CLCA1: variants seen among roughly 807,000 people sequenced by gnomAD.
The protein encoded by CLCA1 is calcium-activated chloride channel regulator 1.
Under a neutral mutation model 85.6 loss-of-function variants are expected in CLCA1, and 59 were observed. That is an observed-to-expected ratio of 0.69 (90% confidence interval 0.56 to 0.86). The LOEUF (loss-of-function observed/expected upper bound fraction) is 0.86. Among genes scored for constraint, CLCA1 ranks in the 40% least tolerant of loss-of-function variants. The pLI is 0.00. For synonymous variants in CLCA1, 396 were observed against 398.3 expected (o/e 0.99, Z 0.07); for missense variants, 1,022 against 1,101.4 (o/e 0.93, Z 1.02).
chr1:86,489,096 G>A lies in CLCA1; in HGVS notation c.1283G>A (p.Ser428Asn), dbSNP rs762613675. 4.3e-6 allele frequency: 7 copies of A among 1,614,038 alleles called. No individual in the cohort carries two copies. The highest frequency in any genetic ancestry group is 5.1e-6 in the Non-Finnish European group (6 of 1,180,040). The stretch of plus-strand genomic sequence containing the variant: ...GGGTGCTTTAACGAGGTCAAACAAA[G>A]TGGTGCCATCATCCACACAGTCGCT... ...ISGCFNEVKQ[S>N]GAIIHTVALG... is the part of the protein sequence containing the mutation. Residue 428 changes from serine (S) to asparagine (N), a missense_variant, in exon 8 of 14, where the codon AGT becomes AAT. Transcript: ENST00000394711.
intron 7 of CLCA1, 80 bp downstream of exon 7, chr1:86,486,833 T>C: frequency 7.9e-7 from 1 of 1,270,128 alleles, no homozygotes; most frequent in Admixed American, 1.7e-5. Flanking sequence ...AGTGTTTCCA[T>C]ACATGCCTAG....
intron 1 of CLCA1, among the ~76,000 whole-genome samples, chr1:86,472,434 T>A (rs1261550327): frequency 1.3e-5 from 2 of 152,192 alleles, no homozygotes; most frequent in African/African-American, 4.8e-5. Context: ...CTCCTCTTTC[T>A]ACCTCTGAAT....
intron 2 of CLCA1, 22 bp from the exon 3 acceptor site, chr1:86,473,707 G>A (rs2180762): frequency 0.96 from 1,495,624 of 1,556,322 alleles, 719,747 homozygotes; most frequent in East Asian, 0.99. Context: ...TGTGATGATA[G>A]AAACTTTTTC....
At chr1:86,496,855 G>A (rs1273217035) in intron 12 of CLCA1, among the ~76,000 whole-genome samples, 3 of 152,072 alleles carry the variant, frequency 2.0e-5, no homozygotes, top group African/African-American at 4.8e-5. Flanking sequence ...TCAGCCTCCC[G>A]AGTAGCTGGG....
chr1:86,474,161 G>A (rs1227323082), intron 3 of CLCA1, among the ~76,000 whole-genome samples: 2 of 152,156 alleles, frequency 1.3e-5, no homozygotes, highest in African/African-American at 4.8e-5. Context: ...AATTTAATTT[G>A]TATTAAGTTT....
chr1:86,488,529 C>A (rs939417682), intron 7 of CLCA1, among the ~76,000 whole-genome samples: 2 of 152,150 alleles, frequency 1.3e-5, no homozygotes, highest in Non-Finnish European at 2.9e-5. Flanking sequence ...AATGACCAAT[C>A]AGAACCAATG....
At chr1:86,470,341 A>G (rs1647467305) in intron 1 of CLCA1, among the ~76,000 whole-genome samples, 1 of 152,086 alleles carries the variant, frequency 6.6e-6, no homozygotes, top group Non-Finnish European at 1.5e-5. Flanking sequence ...GGAGATTCAG[A>G]CCTCTTGAAT....
intron 4 of CLCA1, among the ~76,000 whole-genome samples, chr1:86,477,354 A>G (rs912437573): frequency 2.0e-5 from 3 of 152,188 alleles, no homozygotes; most frequent in African/African-American, 7.2e-5. Context: ...TCCAAATATC[A>G]AAGCAAAACA....
Position 86,486,596 on chromosome 1 carries a change from C to T in CLCA1, c.1025C>T (p.Ser342Phe). ...LFLLQTVELGSWVGMVTFDSA... is the reference protein window; with the variant it reads ...LFLLQTVELGFWVGMVTFDSA... ...CTGCTGCAGACAGTTGAGCTGGGGT[C>T]CTGGGTTGGGATGGTGACATTTGAC... Residue 342 changes from serine (S) to phenylalanine (F), a missense_variant, in exon 7 of 14, where the codon TCC (serine) becomes TTC (phenylalanine). Coordinates refer to ENST00000394711, the MANE Select transcript of CLCA1 (RefSeq NM_001285.4). 6.2e-7 allele frequency: 1 copy of T among 1,614,080 alleles called. No individual in the cohort carries two copies. The highest frequency in any genetic ancestry group is 8.5e-7 in the Non-Finnish European group (1 of 1,180,020).
chr1:86,487,106 C>G (rs1170819095), intron 7 of CLCA1, among the ~76,000 whole-genome samples: 3 of 152,222 alleles, frequency 2.0e-5, no homozygotes, highest in Admixed American at 6.5e-5. Context: ...TGACCATTTC[C>G]TCAAGTGCTT....
chr1:86,475,158 T>C (rs950326522), intron 3 of CLCA1, among the ~76,000 whole-genome samples: 1 of 152,174 alleles, frequency 6.6e-6, no homozygotes, highest in Non-Finnish European at 1.5e-5. Context: ...CTGAGCCCAC[T>C]CCAGCCATCA....
chr1:86,481,943 T>C (rs765797733), intron 4 of CLCA1, among the ~76,000 whole-genome samples: 2 of 152,254 alleles, frequency 1.3e-5, no homozygotes, highest in Non-Finnish European at 2.9e-5. Context: ...GTATTAATGC[T>C]AACAACAGCC....
chr1:86,473,406 T>C lies in CLCA1; in HGVS notation c.163-11T>C, dbSNP rs367649206. Reference sequence around the variant, plus strand: ...AGTCAATTGTTACGTATGTTTTCTTTTTCTTCCCAGGACATGGTGACCCAG... The same window carrying C: ...AGTCAATTGTTACGTATGTTTTCTTCTTCTTCCCAGGACATGGTGACCCAG... On this transcript the variant is annotated splice_polypyrimidine_tract_variant and intron_variant, in intron 1 of 13. Coordinates refer to ENST00000394711, the MANE Select transcript of CLCA1 (RefSeq NM_001285.4). 4.9e-5 allele frequency: 75 copies of C among 1,523,552 alleles called. No homozygotes were observed. Among genetic ancestry groups the C allele is most frequent in the Non-Finnish European group, 6.5e-5 (73 of 1,123,756 alleles). 94.4% of individuals were successfully genotyped at this position (1,523,552 alleles called of 1,614,324 possible). A position where few individuals can be genotyped will look rare whatever the true frequency, so the allele number is the denominator to read the frequency against.
intron 4 of CLCA1, among the ~76,000 whole-genome samples, chr1:86,478,306 A>G (rs1647729166): frequency 6.6e-6 from 1 of 152,054 alleles, no homozygotes; most frequent in Admixed American, 6.5e-5. Context: ...ACACACCTAT[A>G]ATCCCAGCTA....
chr1:86,488,245 G>A (rs1055104073), intron 7 of CLCA1, among the ~76,000 whole-genome samples: 4 of 146,734 alleles, frequency 2.7e-5, no homozygotes, highest in South Asian at 2.1e-4. Flanking sequence ...CTTCCACTCC[G>A]TTTAGGGGAA....
At chr1:86,478,439 A>G (rs28594840) in intron 4 of CLCA1, among the ~76,000 whole-genome samples, 4 of 151,818 alleles carry the variant, frequency 2.6e-5, no homozygotes, top group South Asian at 2.1e-4. Flanking sequence ...CGAAAAAAAA[A>G]AGAGAGAGAG....
intron 5 of CLCA1, 110 bp downstream of exon 5, chr1:86,482,492 G>A: frequency 9.7e-7 from 1 of 1,028,056 alleles, no homozygotes; most frequent in Non-Finnish European, 1.4e-6. Flanking sequence ...TCAGTGAGCA[G>A]TGGATTATCT....
rs761889678 is a variant in CLCA1 at position 86,473,458 on chromosome 1, A to T, written c.204A>T (p.Thr68=). 6.2e-7 allele frequency: 1 copy of T among 1,609,446 alleles called. No individual in the cohort carries two copies. The highest frequency in any genetic ancestry group is 1.1e-5 in the South Asian group (1 of 90,746). ...CATCTCTGTATCTGCTTGAAGCTAC[A>T]GGAAAGCGATTTTATTTCAAAAATG... ...TQASLYLLEA[T]GKRFYFKNVA... is the part of the protein sequence containing the mutation. The change falls in exon 2 of 14, where the codon ACA becomes ACT. Residue 68 remains threonine (T), a synonymous_variant. Transcript: ENST00000394711.
intron 4 of CLCA1, among the ~76,000 whole-genome samples, chr1:86,478,051 C>T (rs766157954): frequency 3.7e-4 from 57 of 152,162 alleles, no homozygotes; most frequent in Non-Finnish European, 6.2e-4. Context: ...TTACTTTTCT[C>T]TTTCTTTATA....
Sources: gnomAD v4.1 joint callset for allele counts (sites outside exome capture counted in the v4.1 genomes callset) on GRCh38, gnomAD v4.1.1 for gene constraint, MANE v1.5 for transcripts, NCBI Gene and HGNC (gene_info 2026-07-23, HGNC 2026-07-21) for gene names.